The following GSE1 variants were observed in gnomAD, a reference collection of about 807,000 sequenced individuals.
GSE1 encodes Gse1 coiled-coil protein, also known as genetic suppressor element 1.
Under a neutral mutation model 112.6 loss-of-function variants are expected in GSE1, and 32 were observed. That is an observed-to-expected ratio of 0.28 (90% CI 0.21 to 0.38). GSE1 has a LOEUF of 0.38. Ranked by LOEUF, GSE1 falls within the 10% of genes least tolerant of loss-of-function variation. The pLI is 1.00. For synonymous variants in GSE1, 1,115 were observed against 735.6 expected (o/e 1.52, Z -8.35); for missense variants, 2,348 against 1,699.2 (o/e 1.38, Z -6.71).
At chr16:85,416,322 G>A (rs2048701339) in intron 2 of GSE1, among the ~76,000 whole-genome samples, 1 of 152,062 alleles carries the variant, frequency 6.6e-6, no homozygotes, top group Admixed American at 6.5e-5. Flanking sequence ...GAGCTGGGAG[G>A]GCCGCCTAAT....
At chr16:85,323,301 G>C (rs1182573716) in intron 1 of GSE1, among the ~76,000 whole-genome samples, 2 of 152,158 alleles carry the variant, frequency 1.3e-5, no homozygotes, top group African/African-American at 2.4e-5. Context: ...ACCTTCTGAG[G>C]GTTGCTGGAG....
intron 2 of GSE1, among the ~76,000 whole-genome samples, chr16:85,544,363 A>G (rs529040798): frequency 6.6e-6 from 1 of 152,240 alleles, no homozygotes; most frequent in East Asian, 1.9e-4. Flanking sequence ...CTGGGGACAC[A>G]TCGAGAATTC....
intron 1 of GSE1, among the ~76,000 whole-genome samples, chr16:85,183,897 T>C (rs1183162365): frequency 1.3e-5 from 2 of 152,174 alleles, no homozygotes; most frequent in Admixed American, 6.5e-5. Flanking sequence ...TCTAGAACTT[T>C]CTTCACAGAG....
intron 1 of GSE1, among the ~76,000 whole-genome samples, chr16:85,184,757 A>T (rs1278310624): frequency 6.6e-6 from 1 of 152,166 alleles, no homozygotes; most frequent in East Asian, 1.9e-4. Flanking sequence ...CAAACATTGG[A>T]CTATCTTAAT....
At chr16:85,480,504 C>T (rs940457858) in intron 2 of GSE1, among the ~76,000 whole-genome samples, 3 of 152,222 alleles carry the variant, frequency 2.0e-5, no homozygotes, top group Admixed American at 6.5e-5. Context: ...ACTCCTGTGA[C>T]TGCAGCTGCT....
intron 1 of GSE1, among the ~76,000 whole-genome samples, chr16:85,335,462 G>C (rs956924619): frequency 6.6e-6 from 1 of 150,822 alleles, no homozygotes; most frequent in South Asian, 2.1e-4. Context: ...TGCAGGAGGC[G>C]GAGGCCGTGC....
intron 2 of GSE1, among the ~76,000 whole-genome samples, chr16:85,486,732 C>T (rs762702961): frequency 2.0e-5 from 3 of 152,116 alleles, no homozygotes; most frequent in African/African-American, 4.8e-5. Flanking sequence ...CGGGACGGAG[C>T]GGGCATCTGT....
intron 2 of GSE1, among the ~76,000 whole-genome samples, chr16:85,389,887 C>A (rs943922824): frequency 6.6e-6 from 1 of 152,216 alleles, no homozygotes; most frequent in Non-Finnish European, 1.5e-5. Context: ...CAGGTGGGCC[C>A]ACGCTTAGCG....
chr16:85,508,668 T>TA (rs2051626316), intron 2 of GSE1, among the ~76,000 whole-genome samples: 2 of 152,228 alleles, frequency 1.3e-5, no homozygotes, highest in African/African-American at 2.4e-5. Flanking sequence ...GTTACCCAGA[T>TA]ACAGCCTCGG....
intron 2 of GSE1, among the ~76,000 whole-genome samples, chr16:85,379,332 C>G (rs1271733592): frequency 1.3e-5 from 2 of 152,246 alleles, no homozygotes; most frequent in East Asian, 1.9e-4. Context: ...TTGCTCCTCT[C>G]CATCACCCCC....
At chr16:85,456,325 G>A (rs2049823712) in intron 2 of GSE1, among the ~76,000 whole-genome samples, 1 of 152,184 alleles carries the variant, frequency 6.6e-6, no homozygotes, top group Admixed American at 6.5e-5. Context: ...CATTCCAGTG[G>A]GGAGGCCCTG....
chr16:85,372,454 T>A (rs527734627), intron 2 of GSE1, among the ~76,000 whole-genome samples: 2 of 127,106 alleles, frequency 1.6e-5, no homozygotes, highest in Non-Finnish European at 3.1e-5. Context: ...CACTCCAACC[T>A]GGGTGACAGT....
In GSE1 at chr16:85,674,674, A is replaced by C. The variant is rs1177294010; in HGVS notation, c.*2135A>C. Reference sequence around the variant, plus strand: ...AGGGAAAAGTAGATCCGATAACTTAAAAACGTAGCTCATCCCTTACCATCC... The same window carrying C: ...AGGGAAAAGTAGATCCGATAACTTACAAACGTAGCTCATCCCTTACCATCC... On this transcript the variant is annotated 3_prime_UTR_variant, in exon 16 of 16. Transcript: ENST00000253458. 1 of 152,226 alleles carries C rather than the reference A, an allele frequency of 6.6e-6. No individual in the cohort carries two copies. The highest frequency in any genetic ancestry group is 1.5e-5 in the Non-Finnish European group (1 of 68,052). 9.4% of individuals were successfully genotyped at this position (152,226 alleles called of 1,614,324 possible). A position where few individuals can be genotyped will look rare whatever the true frequency, so the allele number is the denominator to read the frequency against.
In GSE1 at chr16:85,655,895, ATGT is replaced by A; in HGVS notation, c.968_970del (p.Met323_Ser324delinsThr). 1 of 1,605,410 alleles carries A rather than the reference ATGT, an allele frequency of 6.2e-7. No homozygotes were observed. Among genetic ancestry groups the A allele is most frequent in the Non-Finnish European group, 8.5e-7 (1 of 1,179,686 alleles). On this transcript the variant is annotated inframe_deletion, in exon 6 of 16. Coordinates refer to ENST00000253458, the MANE Select transcript of GSE1 (RefSeq NM_014615.5). ...CCTGGCAGCGCTGCACTCGGAGCGC[ATGT>A]CTGGCCTCAGCGCGGAGAGGTAAGT...
chr16:85,664,907 G>A lies in GSE1; in HGVS notation c.2645-108G>A, dbSNP rs757516662. On this transcript the variant is annotated intron_variant, in intron 11 of 15. Transcript: ENST00000253458. The stretch of plus-strand genomic sequence containing the variant: ...CCATCACACCTGCTTTTGGTTTTTC[G>A]GGCTTTAGTGCTTTGCCTGCCCCTC... 40 of 729,910 alleles carry A rather than the reference G, an allele frequency of 5.5e-5. No individual in the cohort carries two copies. The Middle Eastern group carries it at 7.6e-4, about 14-fold the overall frequency. The allele number at this position is 729,910 out of a possible 1,614,324, so 45.2% of individuals were successfully genotyped here. A position where few individuals can be genotyped will look rare whatever the true frequency, so the allele number is the denominator to read the frequency against.
At chr16:85,270,456 C>T (rs551626789) in intron 1 of GSE1, among the ~76,000 whole-genome samples, 4 of 149,238 alleles carry the variant, frequency 2.7e-5, no homozygotes, top group Admixed American at 6.7e-5. Flanking sequence ...TGTAGACATT[C>T]GGCACAGCAA....
At chr16:85,631,577 C>G (rs1009038373) in intron 1 of GSE1, among the ~76,000 whole-genome samples, 2 of 152,252 alleles carry the variant, frequency 1.3e-5, no homozygotes, top group Non-Finnish European at 2.9e-5. Flanking sequence ...GGCTGGACCC[C>G]CTGCCTGCTG....
intron 1 of GSE1, among the ~76,000 whole-genome samples, chr16:85,239,692 C>G (rs1449036488): frequency 1.3e-5 from 2 of 152,220 alleles, no homozygotes; most frequent in Non-Finnish European, 2.9e-5. Context: ...TTCCGGGTAA[C>G]TCCATACCCG....
intron 1 of GSE1, among the ~76,000 whole-genome samples, chr16:85,342,433 T>C (rs915238343): frequency 3.9e-5 from 6 of 152,130 alleles, no homozygotes; most frequent in Non-Finnish European, 7.4e-5. Context: ...CTGACTGCCC[T>C]GGGTGAGGCG....
Sources: allele counts gnomAD v4.1 joint callset (sites outside exome capture counted in the v4.1 genomes callset), GRCh38; gene constraint gnomAD v4.1.1; transcripts MANE v1.5; gene names NCBI Gene and HGNC (gene_info 2026-07-23, HGNC 2026-07-21).